SLC9C1: variants seen among roughly 807,000 people sequenced by gnomAD.
SLC9C1 encodes sodium/hydrogen exchanger 10.
Under a neutral mutation model 140.9 loss-of-function variants are expected in SLC9C1, and 97 were observed. The observed-to-expected ratio is 0.69, with a 90% CI of 0.58 to 0.82. The LOEUF is 0.82. Ranked by LOEUF, SLC9C1 falls within the 40% of genes least tolerant of loss-of-function variation. The pLI is 0.00. For missense variants in SLC9C1, 1,340 were observed against 1,389.3 expected (o/e 0.96, Z 0.56); for synonymous variants, 440 against 442.6 (o/e 0.99, Z 0.07).
At chr3:112,284,985 C>CTTTTTTTT (rs61428176) in intron 2 of SLC9C1, among the ~76,000 whole-genome samples, 21 of 103,860 alleles carry the variant, frequency 2.0e-4, no homozygotes, top group South Asian at 3.3e-4. Flanking sequence ...TACAATTTTT[C>CTTTTTTTT]TTTTTTTTTT....
chr3:112,226,143 AC>A (rs2078676554), intron 13 of SLC9C1, among the ~76,000 whole-genome samples: 1 of 152,190 alleles, frequency 6.6e-6, no homozygotes, highest in South Asian at 2.1e-4. Flanking sequence ...ATGGTAGGCC[AC>A]AAAACAAGCC....
chr3:112,146,160 A>T (rs1298268332), intron 28 of SLC9C1, among the ~76,000 whole-genome samples: 1 of 151,814 alleles, frequency 6.6e-6, no homozygotes, highest in Non-Finnish European at 1.5e-5. Context: ...GGGATTGGTT[A>T]TAACGTCACC....
intron 15 of SLC9C1, among the ~76,000 whole-genome samples, chr3:112,209,431 C>G (rs1440676662): frequency 6.6e-6 from 1 of 152,068 alleles, no homozygotes; most frequent in Non-Finnish European, 1.5e-5. Flanking sequence ...TGGAGGTTAC[C>G]TTTGCTTAAA....
chr3:112,257,910 G>A (rs753572244), intron 10 of SLC9C1, among the ~76,000 whole-genome samples: 3 of 152,264 alleles, frequency 2.0e-5, no homozygotes, highest in Admixed American at 1.3e-4. Context: ...TTCAAAAGAA[G>A]ACGTACATGC....
chr3:112,256,089 T>C (rs1169111791), intron 10 of SLC9C1, among the ~76,000 whole-genome samples: 3 of 151,596 alleles, frequency 2.0e-5, no homozygotes, highest in Non-Finnish European at 4.4e-5. Flanking sequence ...CAGTAACAAA[T>C]AGACCAACCA....
chr3:112,283,842 G>GGAAA (rs775234726), intron 2 of SLC9C1, among the ~76,000 whole-genome samples: 1 of 27,730 alleles, frequency 3.6e-5, no homozygotes. Flanking sequence ...AAATCACTGT[G>GGAAA]CAAAAAAAAA....
chr3:112,252,643 G>A (rs7613061), intron 10 of SLC9C1, among the ~76,000 whole-genome samples: 89,953 of 151,856 alleles, frequency 0.59, 27,154 homozygotes, highest in East Asian at 0.79. Flanking sequence ...AGCAATTTCA[G>A]AACTCTCTGG....
chr3:112,201,879 T>A (rs2077915622), intron 18 of SLC9C1, among the ~76,000 whole-genome samples: 1 of 152,024 alleles, frequency 6.6e-6, no homozygotes, highest in Admixed American at 6.6e-5. Flanking sequence ...TTGGGCATTA[T>A]GAGGAAGCCC....
At chr3:112,277,032 C>G (rs1429038892) in intron 5 of SLC9C1, among the ~76,000 whole-genome samples, 1 of 151,794 alleles carries the variant, frequency 6.6e-6, no homozygotes, top group African/African-American at 2.4e-5. Context: ...GCATGGGTTG[C>G]CATATTAATA....
intron 2 of SLC9C1, among the ~76,000 whole-genome samples, chr3:112,282,384 TC>T (rs773260497): frequency 5.3e-4 from 80 of 152,338 alleles, no homozygotes; most frequent in Non-Finnish European, 7.8e-4. Flanking sequence ...TTGTTGACTT[TC>T]TGTAGTGCCA....
intron 4 of SLC9C1, among the ~76,000 whole-genome samples, chr3:112,278,277 C>G (rs2080268529): frequency 6.6e-6 from 1 of 152,198 alleles, no homozygotes; most frequent in South Asian, 2.1e-4. Context: ...CCGTTCAAAT[C>G]TCACATATTA....
chr3:112,216,647 T>C (rs1227520672), intron 15 of SLC9C1, among the ~76,000 whole-genome samples: 1 of 152,014 alleles, frequency 6.6e-6, no homozygotes, highest in Non-Finnish European at 1.5e-5. Flanking sequence ...CAAATCAAAA[T>C]CACAATGAGA....
At chr3:112,258,916 G>C (rs1190179163) in intron 10 of SLC9C1, among the ~76,000 whole-genome samples, 1 of 152,120 alleles carries the variant, frequency 6.6e-6, no homozygotes, top group East Asian at 1.9e-4. Context: ...GCAGGAGAGA[G>C]AGGGAGTCAA....
At chr3:112,240,232 T>C (rs537883107) in intron 11 of SLC9C1, among the ~76,000 whole-genome samples, 1 of 152,372 alleles carries the variant, frequency 6.6e-6, no homozygotes, top group East Asian at 1.9e-4. Flanking sequence ...TATTGAGTGC[T>C]TACTATATTC....
At chr3:112,261,710 C>T (rs901167277) in intron 10 of SLC9C1, among the ~76,000 whole-genome samples, 3 of 152,026 alleles carry the variant, frequency 2.0e-5, no homozygotes, top group African/African-American at 4.8e-5. Flanking sequence ...TAAAACACTA[C>T]GGCAAAGTAT....
chr3:112,202,113 C>A (rs1395142516), intron 18 of SLC9C1, 137 bp downstream of exon 18: 5 of 955,274 alleles, frequency 5.2e-6, no homozygotes, highest in Non-Finnish European at 7.8e-6. Context: ...TTAAATGTAA[C>A]CTAGTTTAAG....
At position 112,265,356 on chromosome 3, in the gene SLC9C1, A is replaced by C. The variant is rs559767230; in HGVS notation, c.878+882T>G. On this transcript the variant is annotated intron_variant, in intron 8 of 28. Coordinates refer to ENST00000305815, the MANE Select transcript of SLC9C1 (RefSeq NM_183061.3). ...ATAACTAATACTTGTGTAGCATTTT[A>C]AATTCTTCCCTCAGCTGTGGTCCAT... 5.9e-5 allele frequency among the ~76,000 whole-genome samples: 9 copies of C among 152,230 alleles called. No individual in the cohort carries two copies. In the South Asian group the frequency reaches 1.4e-3, roughly 25 times the overall value.
At chr3:112,259,395 T>G (rs1185855286) in intron 10 of SLC9C1, among the ~76,000 whole-genome samples, 2 of 147,450 alleles carry the variant, frequency 1.4e-5, no homozygotes, top group African/African-American at 2.5e-5. Context: ...AACAAACCAC[T>G]GTGACATGAG....
At chr3:112,278,465 G>T (rs1036691589) in intron 4 of SLC9C1, among the ~76,000 whole-genome samples, 1 of 151,994 alleles carries the variant, frequency 6.6e-6, no homozygotes. Flanking sequence ...TAGCATTTCC[G>T]AGTTAAAATT....
Sources: gnomAD v4.1 joint callset for allele counts (sites outside exome capture counted in the v4.1 genomes callset) on GRCh38, gnomAD v4.1.1 for gene constraint, MANE v1.5 for transcripts, NCBI Gene and HGNC (gene_info 2026-07-23, HGNC 2026-07-21) for gene names.